Variants in GRIK3 observed in about 807,000 individuals in gnomAD.
GRIK3 encodes glutamate ionotropic receptor kainate type subunit 3.
GRIK3 carries 29 observed loss-of-function variants against 102.5 expected under a neutral mutation model. The observed-to-expected ratio is 0.28, with a 90% confidence interval of 0.21 to 0.39. GRIK3 has a LOEUF of 0.39. Among genes scored for constraint, GRIK3 ranks in the 10% least tolerant of loss-of-function variants. The pLI, the probability that GRIK3 is intolerant of heterozygous loss-of-function variation, is 1.00. For synonymous variants in GRIK3, 511 were observed against 504.9 expected, an observed-to-expected ratio of 1.01 and a Z score of -0.16; for missense variants, 908 against 1,252.4, an observed-to-expected ratio of 0.73 and a Z score of 4.15.
chr1:37,010,830 T>C (rs372234008), intron 1 of GRIK3, among the ~76,000 whole-genome samples: 2,130 of 149,568 alleles, frequency 0.014, 46 homozygotes, highest in African/African-American at 0.05. Context: ...CAAGCTCCGC[T>C]TCCCGGGTTC....
chr1:37,007,004 C>A (rs1385910502), intron 1 of GRIK3, among the ~76,000 whole-genome samples: 1 of 152,214 alleles, frequency 6.6e-6, no homozygotes, highest in Non-Finnish European at 1.5e-5. Context: ...GTCCAGCAGC[C>A]GTCTTCCCTC....
chr1:36,942,120 G>A (rs1056780202), intron 1 of GRIK3, among the ~76,000 whole-genome samples: 22 of 152,210 alleles, frequency 1.4e-4, no homozygotes, highest in Admixed American at 5.2e-4. Flanking sequence ...CTGGAGGGCA[G>A]GAAAATCCCA....
chr1:36,946,774 C>T (rs562043374), intron 1 of GRIK3, among the ~76,000 whole-genome samples: 4 of 152,238 alleles, frequency 2.6e-5, no homozygotes, highest in East Asian at 1.9e-4. Flanking sequence ...GCTGCTCATA[C>T]ACGGCAGGGT....
chr1:36,934,680 C>T (rs76437615), intron 1 of GRIK3, among the ~76,000 whole-genome samples: 3 of 152,164 alleles, frequency 2.0e-5, no homozygotes, highest in African/African-American at 4.8e-5. Flanking sequence ...GTTGCTGGGG[C>T]CTCGCTTATC....
At chr1:36,869,528 A>T (rs976540734) in intron 5 of GRIK3, among the ~76,000 whole-genome samples, 8 of 152,236 alleles carry the variant, frequency 5.3e-5, no homozygotes. Context: ...GCTGGTGTTC[A>T]CATTGGCTCC....
chr1:36,841,412 GAAGAT>G (rs1640447635), intron 10 of GRIK3, among the ~76,000 whole-genome samples: 1 of 152,230 alleles, frequency 6.6e-6, no homozygotes, highest in African/African-American at 2.4e-5. Context: ...TAAAGGAGCA[GAAGAT>G]ACCAAGAAGC....
rs1187066653 is a variant in GRIK3, at chr1:36,910,568, TG to T, written c.116-19473del. Among the ~76,000 whole-genome samples the T allele has an allele frequency of 3.5e-5, 5 of 144,254 alleles. No homozygotes were observed. In the East Asian group the frequency reaches 6.9e-4, roughly 20 times the overall value. 94.6% of individuals were successfully genotyped at this position (144,254 alleles called of 152,430 possible). On this transcript the variant is annotated intron_variant, in intron 1 of 15. Coordinates refer to ENST00000373091, the MANE Select transcript of GRIK3 (RefSeq NM_000831.4). The stretch of plus-strand genomic sequence containing the variant: ...CTGTGCCCTCTCTCAGCAGCAGTGG[TG>T]GGGGGGCGGGGACAGGGACAAGTCA...
intron 5 of GRIK3, among the ~76,000 whole-genome samples, chr1:36,861,136 A>G (rs1303115139): frequency 6.6e-6 from 1 of 152,158 alleles, no homozygotes; most frequent in Non-Finnish European, 1.5e-5. Context: ...TAAATACCCA[A>G]TTCCTCAAAT....
At chr1:36,810,720 C>T (rs1332227945) in intron 13 of GRIK3, among the ~76,000 whole-genome samples, 3 of 152,222 alleles carry the variant, frequency 2.0e-5, no homozygotes, top group Non-Finnish European at 2.9e-5. Context: ...GCTTTCTTAT[C>T]TCTGAGTGTG....
intron 13 of GRIK3, 88 bp downstream of exon 13, chr1:36,816,972 G>A (rs1642638514): frequency 6.7e-6 from 6 of 896,768 alleles, no homozygotes; most frequent in Admixed American, 2.1e-5. Context: ...GGTTAGGGAA[G>A]GACAGAGACC....
chr1:37,012,509 G>A (rs1286399585), intron 1 of GRIK3, among the ~76,000 whole-genome samples: 1 of 152,208 alleles, frequency 6.6e-6, no homozygotes, highest in African/African-American at 2.4e-5. Flanking sequence ...CAGGAAGAGG[G>A]TTACATGTTA....
chr1:36,821,980 T>A (rs966686481), intron 11 of GRIK3, among the ~76,000 whole-genome samples: 1 of 152,256 alleles, frequency 6.6e-6, no homozygotes, highest in Non-Finnish European at 1.5e-5. Flanking sequence ...AACTTGGTTT[T>A]TCATTTAATG....
At chr1:37,032,963 C>T (rs1001820589) in intron 1 of GRIK3, among the ~76,000 whole-genome samples, 1 of 152,214 alleles carries the variant, frequency 6.6e-6, no homozygotes, top group African/African-American at 2.4e-5. Flanking sequence ...CGGCGGAGTC[C>T]GGCTCGCCTG....
At chr1:36,927,234 G>C (rs1300638359) in intron 1 of GRIK3, among the ~76,000 whole-genome samples, 1 of 152,140 alleles carries the variant, frequency 6.6e-6, no homozygotes, top group Non-Finnish European at 1.5e-5. Context: ...TGTCTTCTGA[G>C]GTTAAAATAA....
intron 1 of GRIK3, among the ~76,000 whole-genome samples, chr1:36,964,769 T>C (rs1642062284): frequency 6.6e-6 from 1 of 152,024 alleles, no homozygotes; most frequent in South Asian, 2.1e-4. Context: ...AGCACAGCCA[T>C]CACTAATAGC....
chr1:36,989,129 A>G (rs1642337611), intron 1 of GRIK3, among the ~76,000 whole-genome samples: 1 of 150,358 alleles, frequency 6.7e-6, no homozygotes, highest in Non-Finnish European at 1.5e-5. Context: ...ACACACCCTC[A>G]CTCCCCCTTC....
chr1:36,817,276 C>A lies in GRIK3; in HGVS notation c.1875G>T (p.Gly625=). Residue 625 remains glycine (G), a splice_region_variant and synonymous_variant, in exon 13 of 16, where the codon GGG becomes GGT. Transcript: ENST00000373091. ...ACAGGGCTTTGGGCATCAGCTCAGA[C>A]CCTGGGCGAAGAGAGGAGATAGTCA... is the stretch of plus-strand genomic sequence containing the variant. ...WFGMGSLMQQ[G]SELMPKALST... is the part of the protein sequence containing the mutation. The A allele has an allele frequency of 6.2e-7, 1 of 1,607,112 alleles. No homozygotes were observed. Among genetic ancestry groups the A allele is most frequent in the Non-Finnish European group, 8.5e-7 (1 of 1,173,680 alleles).
At chr1:36,977,752 G>T (rs1378647036) in intron 1 of GRIK3, among the ~76,000 whole-genome samples, 1 of 146,340 alleles carries the variant, frequency 6.8e-6, no homozygotes, top group South Asian at 2.1e-4. Context: ...TCTCCTGAGG[G>T]TTTCTCTTCT....
chr1:36,884,623 A>C (rs756041566), intron 2 of GRIK3, among the ~76,000 whole-genome samples: 2 of 152,194 alleles, frequency 1.3e-5, no homozygotes, highest in Non-Finnish European at 2.9e-5. Context: ...TAAACCCTGT[A>C]GGTTTCCCTC....
Sources: gnomAD v4.1 joint callset for allele counts (sites outside exome capture counted in the v4.1 genomes callset) on GRCh38, gnomAD v4.1.1 for gene constraint, MANE v1.5 for transcripts, NCBI Gene and HGNC (gene_info 2026-07-23, HGNC 2026-07-21) for gene names.